USP45: variants seen among roughly 807,000 people sequenced by gnomAD.
USP45 encodes the protein ubiquitin specific peptidase 45.
A neutral mutation model predicts 95.8 loss-of-function variants in USP45; 89 were observed. The observed-to-expected ratio is 0.93, with a 90% CI of 0.78 to 1.11. The LOEUF is 1.11. Among genes scored for constraint, USP45 ranks in the 50% least tolerant of loss-of-function variants. The pLI is 0.00. For synonymous variants in USP45, 281 were observed against 316.2 expected, an observed-to-expected ratio of 0.89 and a Z score of 1.18; for missense variants, 898 against 942.5, an observed-to-expected ratio of 0.95 and a Z score of 0.62.
At chr6:99,493,461 A>G (rs906857163) in intron 5 of USP45, among the ~76,000 whole-genome samples, 1 of 152,226 alleles carries the variant, frequency 6.6e-6, no homozygotes, top group African/African-American at 2.4e-5. Context: ...TGTCTGAATC[A>G]GTCTCAATTA....
chr6:99,469,920 T>C (rs981331616), intron 9 of USP45, among the ~76,000 whole-genome samples: 5 of 152,104 alleles, frequency 3.3e-5, no homozygotes, highest in South Asian at 4.2e-4. Flanking sequence ...CACTATGATA[T>C]ATTAAGTGAA....
intron 11 of USP45, 80 bp downstream of exon 11, chr6:99,466,592 G>C (rs1788029718): frequency 1.7e-6 from 2 of 1,209,540 alleles, no homozygotes; most frequent in Admixed American, 4.1e-5. Context: ...GACTGCCAAT[G>C]ATTATATGTG....
chr6:99,491,535 A>T lies in USP45; in HGVS notation c.479-2715T>A, dbSNP rs528083712. ...CATTACTCAATTTTTTCAGGCTGTT[A>T]ACTCTGATTTTACATTTATAAAACT... is the stretch of plus-strand genomic sequence containing the variant. On this transcript the variant is annotated intron_variant, in intron 5 of 17. Transcript: ENST00000500704. Among the ~76,000 whole-genome samples, 3 of 152,326 alleles carry T rather than the reference A, an allele frequency of 2.0e-5. No homozygotes were observed. In the East Asian group the frequency reaches 5.8e-4, roughly 29 times the overall value.
At chr6:99,487,555 C>T (rs1794206543) in intron 7 of USP45, among the ~76,000 whole-genome samples, 1 of 148,870 alleles carries the variant, frequency 6.7e-6, no homozygotes, top group East Asian at 2.0e-4. Flanking sequence ...TTTGGGAGGC[C>T]GAGGCGGGTG....
chr6:99,469,317 C>T lies in USP45; in HGVS notation c.934-699G>A, dbSNP rs182158480. 3.0e-3 allele frequency among the ~76,000 whole-genome samples: 449 copies of T among 151,768 alleles called. 3 individuals are homozygous for T. Among genetic ancestry groups the T allele is most frequent in the African/African-American group, 0.011 (436 of 41,450 alleles). ...AAAAGTTTCAGAATAAAACTACATA[C>T]TCCAAGAATAAAACTTAGTAAGTGA... On this transcript the variant is annotated intron_variant, in intron 9 of 17. Transcript: ENST00000500704.
chr6:99,507,905 T>C (rs900978575), intron 3 of USP45, among the ~76,000 whole-genome samples: 2 of 152,194 alleles, frequency 1.3e-5, no homozygotes, highest in Non-Finnish European at 2.9e-5. Flanking sequence ...AGACCAATCA[T>C]AGCGATTTCC....
chr6:99,449,339 T>C (rs1487643252), intron 13 of USP45, among the ~76,000 whole-genome samples: 26 of 151,396 alleles, frequency 1.7e-4, no homozygotes, highest in Admixed American at 1.7e-3. Flanking sequence ...ACCAAGCAAA[T>C]GGAAAACAAA....
intron 2 of USP45, among the ~76,000 whole-genome samples, chr6:99,509,049 T>C (rs1191307572): frequency 2.0e-5 from 3 of 151,632 alleles, no homozygotes; most frequent in African/African-American, 4.8e-5. Flanking sequence ...GCACATAGAG[T>C]GGTGATGACA....
chr6:99,476,104 T>C (rs758302873), intron 9 of USP45, 39 bp downstream of exon 9: 3 of 1,583,932 alleles, frequency 1.9e-6, no homozygotes. Context: ...TGTATCCTCT[T>C]CTTGAAGAGA....
chr6:99,508,603 T>C lies in USP45; in HGVS notation c.273+7A>G, dbSNP rs1221822521. The C allele has an allele frequency of 1.2e-6, 2 of 1,609,262 alleles. No homozygotes were observed. The highest frequency in any genetic ancestry group is 1.1e-5 in the South Asian group (1 of 89,840). ...ACAAACTCACATATAAATAATACTT[T>C]TCTTACCTGGAAGCCACACTTGAGG... On this transcript the variant is annotated splice_region_variant and intron_variant, in intron 3 of 17. Coordinates refer to ENST00000500704, the MANE Select transcript of USP45 (RefSeq NM_001346022.3).
intron 8 of USP45, among the ~76,000 whole-genome samples, chr6:99,477,399 G>C (rs1307555926): frequency 6.6e-6 from 1 of 152,144 alleles, no homozygotes; most frequent in Admixed American, 6.5e-5. Flanking sequence ...CGCCTCCTGG[G>C]TTCAAGCAAT....
At chr6:99,470,121 G>C (rs1278098570) in intron 9 of USP45, among the ~76,000 whole-genome samples, 1 of 146,800 alleles carries the variant, frequency 6.8e-6, no homozygotes, top group Non-Finnish European at 1.5e-5. Flanking sequence ...TCAGATATGA[G>C]AGGTAAAGAA....
chr6:99,506,361 C>CT (rs1798522852), intron 4 of USP45, among the ~76,000 whole-genome samples: 1 of 152,212 alleles, frequency 6.6e-6, no homozygotes, highest in African/African-American at 2.4e-5. Flanking sequence ...GAGTGTCACT[C>CT]TATCACCCAG....
intron 5 of USP45, among the ~76,000 whole-genome samples, chr6:99,499,955 C>T (rs1797045575): frequency 6.6e-6 from 1 of 152,160 alleles, no homozygotes. Context: ...GATCTTTAGC[C>T]TCTTAAAGAT....
At chr6:99,447,399 C>T (rs1782767208) in intron 13 of USP45, among the ~76,000 whole-genome samples, 1 of 152,138 alleles carries the variant, frequency 6.6e-6, no homozygotes, top group Non-Finnish European at 1.5e-5. Context: ...AAGTGTCTTG[C>T]CTCAATTTTT....
intron 8 of USP45, among the ~76,000 whole-genome samples, chr6:99,480,152 A>G (rs1175235867): frequency 6.6e-6 from 1 of 152,230 alleles, no homozygotes; most frequent in Non-Finnish European, 1.5e-5. Context: ...TACCATTTAC[A>G]ATAAATAGCA....
At chr6:99,502,195 T>C (rs1269946674) in intron 5 of USP45, among the ~76,000 whole-genome samples, 2 of 152,212 alleles carry the variant, frequency 1.3e-5, no homozygotes, top group Non-Finnish European at 2.9e-5. Flanking sequence ...CACGAATGCA[T>C]GGGCTGGGGA....
upstream of USP45, among the ~76,000 whole-genome samples, chr6:99,517,425 T>C (rs547998902): frequency 1.2e-4 from 18 of 151,936 alleles, no homozygotes; most frequent in East Asian, 3.5e-3. Flanking sequence ...CTATCAAGTG[T>C]ATTTTTTTCC....
At chr6:99,496,076 G>C (rs952014104) in intron 5 of USP45, among the ~76,000 whole-genome samples, 5 of 152,054 alleles carry the variant, frequency 3.3e-5, no homozygotes, top group Admixed American at 3.3e-4. Context: ...ACGATTTTTA[G>C]TGCTTATTTT....
Sources: gnomAD v4.1 joint callset for allele counts (sites outside exome capture counted in the v4.1 genomes callset) on GRCh38, gnomAD v4.1.1 for gene constraint, MANE v1.5 for transcripts, NCBI Gene and HGNC (gene_info 2026-07-23, HGNC 2026-07-21) for gene names.